IPO11: variants seen among roughly 807,000 people sequenced by gnomAD.
IPO11 encodes the protein importin-11.
Under a neutral mutation model 143.2 loss-of-function variants are expected in IPO11, and 66 were observed. The observed-to-expected ratio is 0.46, with a 90% CI of 0.38 to 0.57. The LOEUF (loss-of-function observed/expected upper bound fraction) is 0.57. Among genes scored for constraint, IPO11 ranks in the 20% least tolerant of loss-of-function variants. The pLI is 0.00. For synonymous variants in IPO11, 385 were observed against 377.8 expected (o/e 1.02, Z -0.22); for missense variants, 1,026 against 1,141.0 (o/e 0.90, Z 1.45).
At chr5:62,479,277 T>C (rs578012029) in intron 9 of IPO11, among the ~76,000 whole-genome samples, 2 of 152,326 alleles carry the variant, frequency 1.3e-5, no homozygotes, top group East Asian at 3.9e-4. Context: ...TCATCCTTTT[T>C]TATGGCTGCA....
chr5:62,492,074 G>A (rs1746634861), intron 15 of IPO11, among the ~76,000 whole-genome samples: 1 of 152,172 alleles, frequency 6.6e-6, no homozygotes, highest in Non-Finnish European at 1.5e-5. Context: ...GAGTCACCTG[G>A]TAATCTTGTT....
At position 62,476,933 on chromosome 5, in the gene IPO11, A is replaced by AT. The variant is rs565870713; in HGVS notation, c.828+183dup. On this transcript the variant is annotated intron_variant, in intron 9 of 29. Coordinates refer to ENST00000325324, the MANE Select transcript of IPO11 (RefSeq NM_016338.5). ...ACTTTAGAATGCATATAATAATTAA[A>AT]TTTACATACCATGTGTCATAGTGTA... Among the ~76,000 whole-genome samples the AT allele has an allele frequency of 4.1e-4, 63 of 152,326 alleles. No homozygotes were observed. The South Asian group carries it at 0.013, about 32-fold the overall frequency.
intron 27 of IPO11, among the ~76,000 whole-genome samples, chr5:62,583,647 G>A (rs1230889044): frequency 6.6e-6 from 1 of 152,074 alleles, no homozygotes; most frequent in Non-Finnish European, 1.5e-5. Context: ...GGAGTAAGTA[G>A]CTACCCCCTT....
At chr5:62,463,970 C>T (rs377404062) in intron 5 of IPO11, among the ~76,000 whole-genome samples, 3 of 150,548 alleles carry the variant, frequency 2.0e-5, no homozygotes, top group South Asian at 2.1e-4. Context: ...ATTACAGGCA[C>T]GTGCCACCAC....
intron 22 of IPO11, among the ~76,000 whole-genome samples, chr5:62,535,536 C>T (rs906112837): frequency 2.0e-5 from 3 of 152,006 alleles, no homozygotes; most frequent in African/African-American, 7.2e-5. Flanking sequence ...ACTTAGATGA[C>T]AGTTTTTGGT....
In IPO11 at chr5:62,551,246, G is replaced by C. The variant is rs32170; in HGVS notation, c.2370G>C (p.Thr790=). 120,976 of 1,602,854 alleles carry C rather than the reference G, an allele frequency of 0.075. 5,361 individuals are homozygous for C. Among genetic ancestry groups the C allele is most frequent in the East Asian group, 0.12 (5,389 of 44,614 alleles). Residue 790 remains threonine (T), a synonymous_variant, in exon 26 of 30, where the codon ACG becomes ACC. Coordinates refer to ENST00000325324, the MANE Select transcript of IPO11 (RefSeq NM_016338.5). ...EGERYPVVMS[T]YLGVMGRVLL... ...AGAGGTATCCTGTAGTGATGTCCAC[G>C]TATCTTGGAGTTATGGGTCGAGTTC...
chr5:62,424,811 C>T (rs1018496638), intron 1 of IPO11, among the ~76,000 whole-genome samples: 1 of 152,092 alleles, frequency 6.6e-6, no homozygotes, highest in Non-Finnish European at 1.5e-5. Context: ...TTCCTTTACT[C>T]CTGTCACTCT....
At chr5:62,420,095 C>T (rs148231961) in intron 1 of IPO11, among the ~76,000 whole-genome samples, 16 of 151,924 alleles carry the variant, frequency 1.1e-4, no homozygotes, top group African/African-American at 3.9e-4. Flanking sequence ...TTGAGACCAG[C>T]CTGGCCAACA....
chr5:62,579,391 C>T, intron 27 of IPO11: 1 of 1,527,582 alleles, frequency 6.5e-7, no homozygotes, highest in Non-Finnish European at 8.9e-7. Flanking sequence ...TTTACCTTCT[C>T]TTTTTATAGC....
intron 29 of IPO11, among the ~76,000 whole-genome samples, chr5:62,602,478 C>G (rs948494069): frequency 6.6e-6 from 1 of 151,928 alleles, no homozygotes; most frequent in African/African-American, 2.4e-5. Flanking sequence ...GTCTTCTGGC[C>G]TCATCATTTA....
chr5:62,472,010 GA>G (rs1441962221), intron 7 of IPO11, among the ~76,000 whole-genome samples: 1 of 152,142 alleles, frequency 6.6e-6, no homozygotes. Flanking sequence ...TTTAAATCCA[GA>G]TACATTTCGA....
chr5:62,424,959 T>C (rs76854261), intron 1 of IPO11, among the ~76,000 whole-genome samples: 1 of 152,336 alleles, frequency 6.6e-6, no homozygotes, highest in East Asian at 1.9e-4. Context: ...AAATTTTCTT[T>C]TGGTAGAGTG....
intron 28 of IPO11, among the ~76,000 whole-genome samples, chr5:62,592,921 G>T (rs143876203): frequency 2.0e-5 from 3 of 152,044 alleles, no homozygotes; most frequent in African/African-American, 7.2e-5. Flanking sequence ...ATTTGGGTGG[G>T]GACACAGCCA....
chr5:62,510,796 G>A (rs1741723472), intron 19 of IPO11, among the ~76,000 whole-genome samples: 1 of 151,920 alleles, frequency 6.6e-6, no homozygotes, highest in Non-Finnish European at 1.5e-5. Flanking sequence ...AGTGCAATGG[G>A]GCTCTCTTGG....
At chr5:62,471,768 T>A (rs1745779857) in intron 7 of IPO11, among the ~76,000 whole-genome samples, 1 of 152,230 alleles carries the variant, frequency 6.6e-6, no homozygotes, top group Admixed American at 6.5e-5. Context: ...AAAAGAGATA[T>A]TAATATAGGA....
intron 26 of IPO11, among the ~76,000 whole-genome samples, chr5:62,558,317 G>T (rs1419192247): frequency 1.3e-5 from 2 of 152,164 alleles, no homozygotes; most frequent in African/African-American, 4.8e-5. Flanking sequence ...TAATAAGCTA[G>T]TTTAGAACAT....
At chr5:62,429,656 C>G (rs936004178) in intron 1 of IPO11, among the ~76,000 whole-genome samples, 1 of 151,618 alleles carries the variant, frequency 6.6e-6, no homozygotes, top group Non-Finnish European at 1.5e-5. Flanking sequence ...CAGAGTCTCG[C>G]TCTGTCGTCC....
chr5:62,510,030 C>T (rs1424481971), intron 19 of IPO11, among the ~76,000 whole-genome samples: 2 of 152,168 alleles, frequency 1.3e-5, no homozygotes, highest in East Asian at 3.8e-4. Context: ...TACAAAGATA[C>T]CAGTTTCTCC....
chr5:62,488,908 T>A (rs1402996473), intron 13 of IPO11, among the ~76,000 whole-genome samples: 1 of 152,052 alleles, frequency 6.6e-6, no homozygotes, highest in Admixed American at 6.6e-5. Context: ...AAGGCTGAGG[T>A]TGGAGGATCA....
Sources: allele counts gnomAD v4.1 joint callset (sites outside exome capture counted in the v4.1 genomes callset), GRCh38; gene constraint gnomAD v4.1.1; transcripts MANE v1.5; gene names NCBI Gene and HGNC (gene_info 2026-07-23, HGNC 2026-07-21).